JAKMIP2: variants seen among roughly 807,000 people sequenced by gnomAD.
The protein encoded by JAKMIP2 is janus kinase and microtubule interacting protein 2.
Under a neutral mutation model 115.0 loss-of-function variants are expected in JAKMIP2, and 25 were observed. That is an observed-to-expected ratio of 0.22 (90% CI 0.16 to 0.30). JAKMIP2 has a LOEUF of 0.30. Ranked by LOEUF, JAKMIP2 falls within the 10% of genes least tolerant of loss-of-function variation. JAKMIP2 has a pLI of 1.00. For missense variants in JAKMIP2, 642 were observed against 957.6 expected (o/e 0.67, Z 4.35); for synonymous variants, 334 against 343.6 (o/e 0.97, Z 0.31).
At chr5:147,764,866 C>G (rs1755055705) in intron 1 of JAKMIP2, among the ~76,000 whole-genome samples, 1 of 130,844 alleles carries the variant, frequency 7.6e-6, no homozygotes, top group African/African-American at 2.9e-5. Context: ...AGGCTGGTGA[C>G]AGAGTGAGAC....
intron 1 of JAKMIP2, among the ~76,000 whole-genome samples, chr5:147,699,583 T>A (rs918000859): frequency 6.6e-6 from 1 of 152,076 alleles, no homozygotes; most frequent in Non-Finnish European, 1.5e-5. Flanking sequence ...ACCCCAGCCA[T>A]AAATGAACTA....
intron 1 of JAKMIP2, among the ~76,000 whole-genome samples, chr5:147,719,897 T>C (rs1753190850): frequency 6.6e-6 from 1 of 152,128 alleles, no homozygotes; most frequent in African/African-American, 2.4e-5. Flanking sequence ...CATGATGATG[T>C]TAGCTGGTGA....
At chr5:147,681,160 A>G (rs1352979191) in intron 1 of JAKMIP2, among the ~76,000 whole-genome samples, 1 of 152,132 alleles carries the variant, frequency 6.6e-6, no homozygotes, top group East Asian at 1.9e-4. Context: ...CAGGTTTAAA[A>G]CTTCACATTT....
intron 1 of JAKMIP2, among the ~76,000 whole-genome samples, chr5:147,691,149 G>A (rs1179424109): frequency 2.0e-5 from 3 of 152,018 alleles, no homozygotes; most frequent in East Asian, 1.9e-4. Flanking sequence ...AGTGGGATAG[G>A]AGACACAAGC....
At position 147,644,097 on chromosome 5, in the gene JAKMIP2, C is replaced by G; in HGVS notation, c.1185G>C (p.Gln395His). Residue 395 changes from glutamine to histidine, a missense_variant, in exon 7 of 22, where the codon CAG (glutamine) becomes CAC (histidine). Around this residue, in one of 6 missense-constraint regions of JAKMIP2, gnomAD observed 439 missense variants for 570.9 expected, o/e 0.77. Coordinates refer to ENST00000616793, the MANE Select transcript of JAKMIP2 (RefSeq NM_001270941.2). Reference protein sequence around the residue: ...EEQETEFLKLQVIEQQNIIDE... With the variant: ...EEQETEFLKLHVIEQQNIIDE... ...CAATAATGTTCTGTTGCTCAATGAC[C>G]TGAAGTTTTAGAAACTCTGTTTCTT... The G allele has an allele frequency of 6.2e-7, 1 of 1,607,194 alleles. No homozygotes were observed. Among genetic ancestry groups the G allele is most frequent in the Non-Finnish European group, 8.5e-7 (1 of 1,175,482 alleles).
At chr5:147,604,362 G>A (rs148991101) in intron 20 of JAKMIP2, among the ~76,000 whole-genome samples, 8 of 152,278 alleles carry the variant, frequency 5.3e-5, no homozygotes, top group Admixed American at 2.0e-4. Context: ...GACCTCATTT[G>A]TTCCTCATGG....
intron 1 of JAKMIP2, among the ~76,000 whole-genome samples, chr5:147,774,406 T>A (rs1755477335): frequency 6.6e-6 from 1 of 152,174 alleles, no homozygotes; most frequent in Admixed American, 6.5e-5. Flanking sequence ...GCTTGTGAAT[T>A]CTCAGCATGG....
At chr5:147,699,090 A>G (rs1752222760) in intron 1 of JAKMIP2, among the ~76,000 whole-genome samples, 1 of 152,232 alleles carries the variant, frequency 6.6e-6, no homozygotes, top group Non-Finnish European at 1.5e-5. Context: ...GCTATGATCT[A>G]ATCAATAAAA....
chr5:147,702,655 A>AGAAG lies in JAKMIP2; in HGVS notation c.-148-30702_-148-30701insCTTC, dbSNP rs1561547659. Among the ~76,000 whole-genome samples, 8 of 121,734 alleles carry AGAAG rather than the reference A, an allele frequency of 6.6e-5. 1 individual carries two copies. Among genetic ancestry groups the AGAAG allele is most frequent in the African/African-American group, 1.6e-4 (4 of 25,508 alleles). The allele number at this position is 121,734 out of a possible 152,430, so 79.9% of individuals were successfully genotyped here. A position where few individuals can be genotyped will look rare whatever the true frequency, so the allele number is the denominator to read the frequency against. On this transcript the variant is annotated intron_variant, in intron 1 of 21. Transcript: ENST00000616793. ...AAGAAAGAAAGAAAGAAAGAAAGAAAGAAAGAAAGAGAGAGAAAGAAAGAG... is the reference window on the plus strand; with the variant it reads ...AAGAAAGAAAGAAAGAAAGAAAGAAAGAAGGAAAGAAAGAGAGAGAAAGAAAGAG...
At chr5:147,730,473 T>C (rs187447387) in intron 1 of JAKMIP2, among the ~76,000 whole-genome samples, 424 of 152,196 alleles carry the variant, frequency 2.8e-3, no homozygotes, top group Non-Finnish European at 4.3e-3. Context: ...TATTGTTTTT[T>C]TGAGGTGGAG....
chr5:147,609,289 G>C (rs948778431), intron 20 of JAKMIP2, among the ~76,000 whole-genome samples: 13 of 152,108 alleles, frequency 8.5e-5, no homozygotes, highest in African/African-American at 3.1e-4. Flanking sequence ...TTTGCATTTT[G>C]GGTTGTTTTT....
intron 1 of JAKMIP2, among the ~76,000 whole-genome samples, chr5:147,695,429 G>C (rs1470101593): frequency 1.3e-5 from 2 of 152,118 alleles, no homozygotes; most frequent in Admixed American, 6.6e-5. Context: ...TTAGTCTGCA[G>C]CTTGGCTATA....
At chr5:147,697,860 G>A (rs1369174367) in intron 1 of JAKMIP2, among the ~76,000 whole-genome samples, 1 of 152,248 alleles carries the variant, frequency 6.6e-6, no homozygotes, top group Non-Finnish European at 1.5e-5. Context: ...TGCTAGGGCA[G>A]TGCAGAAGGG....
chr5:147,672,174 T>G (rs931640555), intron 1 of JAKMIP2, among the ~76,000 whole-genome samples: 2 of 152,198 alleles, frequency 1.3e-5, no homozygotes, highest in Admixed American at 6.5e-5. Flanking sequence ...ACCTGAAGCA[T>G]AAATCCTTCA....
chr5:147,734,825 C>T (rs770869513), intron 1 of JAKMIP2, among the ~76,000 whole-genome samples: 13 of 152,132 alleles, frequency 8.5e-5, no homozygotes, highest in African/African-American at 2.4e-4. Flanking sequence ...ACAAACTACA[C>T]GTAGATCATA....
intron 14 of JAKMIP2, 33 bp from the exon 15 acceptor site, chr5:147,629,779 C>A: frequency 6.4e-7 from 1 of 1,571,828 alleles, no homozygotes; most frequent in Non-Finnish European, 8.7e-7. Flanking sequence ...ATGTCAAAGA[C>A]AAATGTGGCC....
intron 1 of JAKMIP2, among the ~76,000 whole-genome samples, chr5:147,777,541 T>C (rs1755606217): frequency 6.6e-6 from 1 of 152,216 alleles, no homozygotes; most frequent in Non-Finnish European, 1.5e-5. Flanking sequence ...GATTTCTTGA[T>C]GGTAGGCTTA....
rs77421262 is a variant in JAKMIP2 at position 147,757,037 on chromosome 5, G to A, written c.-149+25419C>T. Among the ~76,000 whole-genome samples, 577 of 152,224 alleles carry A rather than the reference G, an allele frequency of 3.8e-3. 2 individuals carry two copies. Among genetic ancestry groups the A allele is most frequent in the Non-Finnish European group, 6.8e-3 (460 of 68,012 alleles). ...GGTAGAGAAAAGGAAGAGAGTCCCT[G>A]TGAATTAATGTTGCTGATCATGAAA... On this transcript the variant is annotated intron_variant, in intron 1 of 21. Coordinates refer to ENST00000616793, the MANE Select transcript of JAKMIP2 (RefSeq NM_001270941.2).
At chr5:147,759,895 T>C (rs575892566) in intron 1 of JAKMIP2, among the ~76,000 whole-genome samples, 46 of 152,140 alleles carry the variant, frequency 3.0e-4, no homozygotes, top group African/African-American at 1.1e-3. Context: ...CGTGGGTTAC[T>C]GAGGTAGTTC....
Sources: gnomAD v4.1 joint callset for allele counts (sites outside exome capture counted in the v4.1 genomes callset) on GRCh38, gnomAD v4.1.1 for gene constraint, gnomAD v4.1.1 regional missense constraint, MANE v1.5 for transcripts, NCBI Gene and HGNC (gene_info 2026-07-23, HGNC 2026-07-21) for gene names.